Variants in CILK1 observed in about 807,000 individuals in gnomAD.
The protein encoded by CILK1 is serine/threonine-protein kinase ICK.
Under a neutral mutation model 79.2 loss-of-function variants are expected in CILK1, and 47 were observed. The ratio of observed to expected loss-of-function variants is 0.59; its 90% CI spans 0.47 to 0.76. The LOEUF (loss-of-function observed/expected upper bound fraction) is 0.76. Among genes scored for constraint, CILK1 ranks in the 30% least tolerant of loss-of-function variants. CILK1 has a pLI of 0.00. For missense variants in CILK1, 660 were observed against 769.5 expected, an observed-to-expected ratio of 0.86 and a Z score of 1.68; for synonymous variants, 266 against 275.9, an observed-to-expected ratio of 0.96 and a Z score of 0.36.
At chr6:53,049,343 C>G (rs545119523) in intron 1 of CILK1, among the ~76,000 whole-genome samples, 1 of 152,318 alleles carries the variant, frequency 6.6e-6, no homozygotes, top group East Asian at 1.9e-4. Context: ...GTTTTGAAGA[C>G]TGAAAGAGGT....
At chr6:53,036,340 G>C (rs1378784947) in intron 3 of CILK1, among the ~76,000 whole-genome samples, 1 of 152,084 alleles carries the variant, frequency 6.6e-6, no homozygotes, top group Non-Finnish European at 1.5e-5. Context: ...TTCTAGAACA[G>C]AGGTTGGCAA....
intron 5 of CILK1, among the ~76,000 whole-genome samples, chr6:53,030,802 T>C (rs961448428): frequency 6.6e-6 from 1 of 152,228 alleles, no homozygotes; most frequent in Admixed American, 6.5e-5. Context: ...TACTACTCAA[T>C]GGTCAGAAAC....
intron 1 of CILK1, among the ~76,000 whole-genome samples, chr6:53,054,170 T>C (rs1022618501): frequency 2.0e-5 from 3 of 152,126 alleles, no homozygotes; most frequent in African/African-American, 7.2e-5. Flanking sequence ...TCCTTCTCTT[T>C]CGAGCTCACA....
At chr6:53,057,462 T>A (rs1328693279) in intron 1 of CILK1, among the ~76,000 whole-genome samples, 1 of 152,194 alleles carries the variant, frequency 6.6e-6, no homozygotes, top group Non-Finnish European at 1.5e-5. Context: ...AGGATGACAA[T>A]CATCTGCTAG....
chr6:53,036,395 T>C (rs1400862239), intron 3 of CILK1, among the ~76,000 whole-genome samples: 1 of 152,176 alleles, frequency 6.6e-6, no homozygotes, highest in East Asian at 1.9e-4. Context: ...TGTTTTTGTA[T>C]AGTCCACAAG....
At chr6:53,023,354 A>T (rs1302103839) in intron 5 of CILK1, among the ~76,000 whole-genome samples, 3 of 152,154 alleles carry the variant, frequency 2.0e-5, no homozygotes, top group Non-Finnish European at 4.4e-5. Flanking sequence ...TGCTGATTGA[A>T]CAAAGGACTT....
At chr6:53,030,472 A>C (rs1765863852) in intron 5 of CILK1, among the ~76,000 whole-genome samples, 1 of 152,210 alleles carries the variant, frequency 6.6e-6, no homozygotes, top group African/African-American at 2.4e-5. Context: ...GCATGGTCTG[A>C]CAACGAGCTC....
intron 1 of CILK1, among the ~76,000 whole-genome samples, chr6:53,045,358 A>G (rs1766990148): frequency 6.6e-6 from 1 of 152,188 alleles, no homozygotes; most frequent in Non-Finnish European, 1.5e-5. Context: ...GCATACACAC[A>G]GTCCTCAACT....
chr6:53,033,687 A>T (rs1380741440), intron 3 of CILK1, among the ~76,000 whole-genome samples: 2 of 152,240 alleles, frequency 1.3e-5, no homozygotes, highest in African/African-American at 4.8e-5. Context: ...TAAAAAGAAC[A>T]TCCTTTTTAT....
At position 53,056,665 on chromosome 6, in the gene CILK1, G is replaced by A. The variant is rs547144138; in HGVS notation, c.-173+4931C>T. On this transcript the variant is annotated intron_variant, in intron 1 of 13. Transcript: ENST00000676107. Reference sequence around the variant, plus strand: ...ATATAAGCTCTGTGAGGTCAGAAACGTTGCAATATTCACAACTGTATTCCC... The same window carrying A: ...ATATAAGCTCTGTGAGGTCAGAAACATTGCAATATTCACAACTGTATTCCC... Among the ~76,000 whole-genome samples the A allele has an allele frequency of 1.8e-4, 28 of 152,254 alleles. 1 individual carries two copies. The highest frequency in any genetic ancestry group is 1.7e-3 in the South Asian group (8 of 4,824).
chr6:53,006,992 C>T (rs1764262181), intron 12 of CILK1, among the ~76,000 whole-genome samples: 1 of 152,108 alleles, frequency 6.6e-6, no homozygotes, highest in Non-Finnish European at 1.5e-5. Flanking sequence ...ATGTCATTTC[C>T]ACTTGGGAGT....
intron 1 of CILK1, among the ~76,000 whole-genome samples, chr6:53,050,069 T>C (rs1767368448): frequency 6.6e-6 from 1 of 152,140 alleles, no homozygotes; most frequent in Admixed American, 6.5e-5. Flanking sequence ...CTAATGACTA[T>C]TTTTAGTGTA....
intron 1 of CILK1, among the ~76,000 whole-genome samples, chr6:53,059,042 C>T (rs562731342): frequency 6.6e-6 from 1 of 152,304 alleles, no homozygotes; most frequent in African/African-American, 2.4e-5. Context: ...TAAGTAAGGG[C>T]AGGATAATAC....
intron 5 of CILK1, among the ~76,000 whole-genome samples, chr6:53,027,817 C>G (rs1017792855): frequency 2.6e-5 from 4 of 151,958 alleles, no homozygotes; most frequent in African/African-American, 9.7e-5. Flanking sequence ...CCAGGCTGGC[C>G]AACATGGTGA....
rs1289265781 is a variant in CILK1, at chr6:53,012,040, CAG to C, written c.1338_1339del (p.Cys447GlnfsTer3). The stretch of plus-strand genomic sequence containing the variant: ...CAAATGTGAGCAGCACACTTGCCTG[CAG>C]AGAGTGTCATCACTCTGTCTTTTCT... On this transcript the variant is annotated frameshift_variant, in exon 10 of 14. Coordinates refer to ENST00000676107, the MANE Select transcript of CILK1 (RefSeq NM_014920.5). LOFTEE classifies it high-confidence loss of function. The C allele has an allele frequency of 1.2e-6, 2 of 1,613,822 alleles. No homozygotes were observed. The highest frequency in any genetic ancestry group is 1.3e-5 in the African/African-American group (1 of 74,938).
intron 1 of CILK1, among the ~76,000 whole-genome samples, chr6:53,044,304 T>C (rs1279684708): frequency 6.6e-6 from 1 of 152,158 alleles, no homozygotes; most frequent in African/African-American, 2.4e-5. Context: ...TACTGTGAAC[T>C]GCCCATGGGA....
intron 1 of CILK1, among the ~76,000 whole-genome samples, chr6:53,047,970 T>C (rs1207070472): frequency 6.6e-6 from 1 of 152,142 alleles, no homozygotes; most frequent in Admixed American, 6.5e-5. Context: ...GCTCTAAGGT[T>C]GTTTTATTTT....
At chr6:53,027,602 C>A (rs1214715717) in intron 5 of CILK1, among the ~76,000 whole-genome samples, 1 of 152,194 alleles carries the variant, frequency 6.6e-6, no homozygotes, top group Admixed American at 6.5e-5. Context: ...GCTTTAAGTA[C>A]TTTTTTTCCA....
chr6:53,032,811 C>G (rs559196565), intron 3 of CILK1, among the ~76,000 whole-genome samples, 157 bp from the exon 4 acceptor site: 3 of 152,240 alleles, frequency 2.0e-5, no homozygotes, highest in Non-Finnish European at 2.9e-5. Flanking sequence ...TAATAGTATA[C>G]CTCTGAAATT....
Sources: gnomAD v4.1 joint callset for allele counts (sites outside exome capture counted in the v4.1 genomes callset) on GRCh38, gnomAD v4.1.1 for gene constraint, MANE v1.5 for transcripts, NCBI Gene and HGNC (gene_info 2026-07-23, HGNC 2026-07-21) for gene names.